Variants in ZNF528 observed in about 807,000 individuals in gnomAD.
ZNF528 encodes the protein zinc finger protein 528.
Under a neutral mutation model 13.3 loss-of-function variants are expected in ZNF528, and 9 were observed. That is an observed-to-expected ratio of 0.67 (90% CI 0.41 to 1.18). The LOEUF (loss-of-function observed/expected upper bound fraction) is 1.18, where lower values mean the gene tolerates loss of function less well. Ranked by LOEUF, ZNF528 falls within the 50% of genes most tolerant of loss-of-function variation. The probability of loss-of-function intolerance (pLI) is 0.01; values close to 1 mark genes in which losing one functional copy is unlikely to be tolerated. For synonymous variants in ZNF528, 264 were observed against 254.3 expected (o/e 1.04, Z -0.36); for missense variants, 858 against 745.4 (o/e 1.15, Z -1.76).
chr19:52,398,875 C>T (rs986271453), intron 2 of ZNF528, among the ~76,000 whole-genome samples: 4 of 151,902 alleles, frequency 2.6e-5, no homozygotes, highest in Non-Finnish European at 5.9e-5. Context: ...CAGGGGGAGG[C>T]CTGGGATCTA....
rs2059012407 is a variant in ZNF528, at chr19:52,416,921, T to A, written c.*182T>A. ...GGAGGATGAAAGCACACAGATGAAT[T>A]GTGTGTACTTGGGCTATTATTCAAG... is the stretch of plus-strand genomic sequence containing the variant. On this transcript the variant is annotated 3_prime_UTR_variant, in exon 7 of 7. Transcript: ENST00000360465. The A allele has an allele frequency of 1.6e-6, 1 of 608,928 alleles. No homozygotes were observed. The highest frequency in any genetic ancestry group is 3.1e-5 in the Admixed American group (1 of 32,216). 37.7% of individuals were successfully genotyped at this position (608,928 alleles called of 1,614,324 possible). A position where few individuals can be genotyped will look rare whatever the true frequency, so the allele number is the denominator to read the frequency against.
At chr19:52,413,254 ATCC>A (rs1487505843) in intron 6 of ZNF528, 5 of 152,190 alleles carry the variant, frequency 3.3e-5, no homozygotes, top group Non-Finnish European at 5.9e-5. Context: ...TCAATAGCAT[ATCC>A]TCTGTAATGT....
chr19:52,416,972 A>G lies in ZNF528; in HGVS notation c.*233A>G. ...GACCATTGCTATAGAACACGATAGGATTTACACAAGAAGTAACTCTGTCTC... is the reference window on the plus strand; with the variant it reads ...GACCATTGCTATAGAACACGATAGGGTTTACACAAGAAGTAACTCTGTCTC... On this transcript the variant is annotated 3_prime_UTR_variant, in exon 7 of 7. Transcript: ENST00000360465. 2.0e-6 allele frequency: 1 copy of G among 489,060 alleles called. No homozygotes were observed. Among genetic ancestry groups the G allele is most frequent in the South Asian group, 3.6e-5 (1 of 27,996 alleles). 30.3% of individuals were successfully genotyped at this position (489,060 alleles called of 1,614,324 possible).
At position 52,402,247 on chromosome 19, in the gene ZNF528, G is replaced by A. The variant is rs546351532; in HGVS notation, c.15+219G>A. Reference sequence around the variant, plus strand: ...AGGCTGCACTGGGCATGGTCCGGGGGAGGGCTCTCAGCAGACATGGATGGA... The same window carrying A: ...AGGCTGCACTGGGCATGGTCCGGGGAAGGGCTCTCAGCAGACATGGATGGA... On this transcript the variant is annotated intron_variant, in intron 4 of 6. Coordinates refer to ENST00000360465, the MANE Select transcript of ZNF528 (RefSeq NM_032423.3). Among the ~76,000 whole-genome samples the A allele has an allele frequency of 6.4e-4, 97 of 152,244 alleles. 2 individuals are homozygous for A. In the Middle Eastern group the frequency reaches 0.027, roughly 43 times the overall value.
intron 5 of ZNF528, 129 bp downstream of exon 5, chr19:52,406,162 A>G: frequency 8.4e-7 from 1 of 1,187,660 alleles, no homozygotes; most frequent in Non-Finnish European, 1.2e-6. Context: ...GAATTGAAAA[A>G]CTGTATTACA....
chr19:52,400,212 G>T (rs2058775025), intron 2 of ZNF528, among the ~76,000 whole-genome samples: 1 of 139,606 alleles, frequency 7.2e-6, no homozygotes, highest in Non-Finnish European at 1.5e-5. Context: ...CCCAGATGGA[G>T]TTGTTGCCCA....
chr19:52,408,072 G>A (rs779584476), intron 6 of ZNF528, among the ~76,000 whole-genome samples: 7 of 151,906 alleles, frequency 4.6e-5, no homozygotes, highest in Non-Finnish European at 8.8e-5. Context: ...ACAAAGCTCT[G>A]CTTAACAACT....
At chr19:52,405,763 C>T (rs148256891) in intron 4 of ZNF528, 144 bp from the exon 5 acceptor site, 19 of 1,046,282 alleles carry the variant, frequency 1.8e-5, no homozygotes, top group African/African-American at 7.9e-5. Flanking sequence ...ATTACAGACA[C>T]GTAACTGGCT....
At chr19:52,414,866 T>G in intron 6 of ZNF528, 2 of 1,290,464 alleles carry the variant, frequency 1.5e-6, no homozygotes, top group South Asian at 2.5e-5. Flanking sequence ...TTCCCAGAAG[T>G]TTTCAGTCTC....
chr19:52,404,614 C>T (rs1022097768), intron 4 of ZNF528, among the ~76,000 whole-genome samples: 2 of 150,088 alleles, frequency 1.3e-5, no homozygotes, highest in Non-Finnish European at 3.0e-5. Flanking sequence ...TTTTTTGAGT[C>T]GGAGTGTCAC....
rs1390175321 is a variant in ZNF528, at chr19:52,416,179, G to C, written c.1327G>C (p.Gly443Arg). 6.2e-7 allele frequency: 1 copy of C among 1,613,814 alleles called. No individual in the cohort carries two copies. The highest frequency in any genetic ancestry group is 8.5e-7 in the Non-Finnish European group (1 of 1,179,970). The change falls in exon 7 of 7, where the codon GGC becomes CGC. Residue 443 changes from glycine (G) to arginine (R), a missense_variant. Gly to Arg is a moderately radical substitution (Grantham distance 125). Coordinates refer to ENST00000360465, the MANE Select transcript of ZNF528 (RefSeq NM_032423.3). ...GAAGCCTTACAAATGTAATAAATGT[G>C]GCACAGCGTTTAGAGAGTTTTCAGA... ...DEKPYKCNKC[G>R]TAFREFSDLT...
chr19:52,416,676 C>T lies in ZNF528; in HGVS notation c.1824C>T (p.Thr608=). 1 of 1,613,642 alleles carries T rather than the reference C, an allele frequency of 6.2e-7. No homozygotes were observed. The highest frequency in any genetic ancestry group is 1.7e-4 in the Middle Eastern group (1 of 6,060). Residue 608 remains threonine (T), a synonymous_variant, in exon 7 of 7, where the codon ACC becomes ACT. Transcript: ENST00000360465. ...IHIGEKPYKC[T]LCSKVFSHNS... ...TTGGAGAGAAACCTTACAAATGCACCCTGTGCAGTAAGGTCTTCAGTCACA... is the reference window on the plus strand; with the variant it reads ...TTGGAGAGAAACCTTACAAATGCACTCTGTGCAGTAAGGTCTTCAGTCACA...
chr19:52,406,969 G>A (rs373565124), intron 6 of ZNF528: 2 of 314,566 alleles, frequency 6.4e-6, no homozygotes, highest in African/African-American at 2.1e-5. Context: ...TTGGAGATAG[G>A]ATCTCTCTTG....
intron 6 of ZNF528, chr19:52,414,869 TCA>T: frequency 7.6e-7 from 1 of 1,317,788 alleles, no homozygotes; most frequent in Non-Finnish European, 1.0e-6. Flanking sequence ...CCAGAAGTTT[TCA>T]GTCTCTGTTG....
At chr19:52,403,015 A>T (rs1203427929) in intron 4 of ZNF528, among the ~76,000 whole-genome samples, 2 of 152,096 alleles carry the variant, frequency 1.3e-5, no homozygotes, top group Admixed American at 1.3e-4. Context: ...TAAAAATATT[A>T]TGTTTTTGAA....
intron 2 of ZNF528, among the ~76,000 whole-genome samples, chr19:52,399,179 A>T (rs973419553): frequency 6.6e-6 from 1 of 152,084 alleles, no homozygotes; most frequent in African/African-American, 2.4e-5. Context: ...AAAAGATGAG[A>T]ATGAGAGATA....
chr19:52,415,302 A>T lies in ZNF528; in HGVS notation c.450A>T (p.Lys150Asn). The T allele has an allele frequency of 6.2e-7, 1 of 1,613,082 alleles. No individual in the cohort carries two copies. The highest frequency in any genetic ancestry group is 8.5e-7 in the Non-Finnish European group (1 of 1,179,756). The part of the protein sequence containing the change: ...SDNSSVSPLE[K>N]ISSSVKSHLL... ...ATTCCTCAGTTTCACCGCTTGAAAA[A>T]ATTTCTTCCAGTGTCAAATCCCACC... is the stretch of plus-strand genomic sequence containing the variant. The change falls in exon 7 of 7, where the codon AAA becomes AAT. Residue 150 changes from lysine (K) to asparagine (N), a missense_variant. Lys to Asn is a moderately conservative substitution (Grantham distance 94, BLOSUM62 0). Coordinates refer to ENST00000360465, the MANE Select transcript of ZNF528 (RefSeq NM_032423.3).
intron 4 of ZNF528, among the ~76,000 whole-genome samples, chr19:52,405,270 C>T (rs927683429): frequency 6.7e-6 from 1 of 150,278 alleles, no homozygotes; most frequent in African/African-American, 2.4e-5. Flanking sequence ...GCGGCTCACA[C>T]CTGTAATCCC....
intron 6 of ZNF528, 88 bp from the exon 7 acceptor site, chr19:52,415,036 T>G (rs754395402): frequency 1.4e-5 from 22 of 1,589,916 alleles, no homozygotes; most frequent in Non-Finnish European, 1.8e-5. Context: ...AATGTCTGAG[T>G]CAGGTGAGGC....
Sources: allele counts gnomAD v4.1 joint callset (sites outside exome capture counted in the v4.1 genomes callset), GRCh38; gene constraint gnomAD v4.1.1; transcripts MANE v1.5; gene names NCBI Gene and HGNC (gene_info 2026-07-23, HGNC 2026-07-21).